MGAT5: variants seen among roughly 807,000 people sequenced by gnomAD.
MGAT5 encodes alpha-1,6-mannosylglycoprotein 6-beta-N-acetylglucosaminyltransferase A.
Under a neutral mutation model 94.3 loss-of-function variants are expected in MGAT5, and 30 were observed. That is an observed-to-expected ratio of 0.32 (90% CI 0.24 to 0.43). The LOEUF is 0.43. Among genes scored for constraint, MGAT5 ranks in the 20% least tolerant of loss-of-function variants. The pLI is 1.00. For missense variants in MGAT5, 691 were observed against 905.5 expected, an observed-to-expected ratio of 0.76 and a Z score of 3.04; for synonymous variants, 310 against 322.9, an observed-to-expected ratio of 0.96 and a Z score of 0.43.
chr2:134,148,159 T>G (rs1409738673), intron 1 of MGAT5, among the ~76,000 whole-genome samples: 1 of 152,254 alleles, frequency 6.6e-6, no homozygotes, highest in Non-Finnish European at 1.5e-5. Context: ...AATGTTATTT[T>G]GAGGAAACAT....
chr2:134,273,035 G>A (rs1205926759), intron 2 of MGAT5, among the ~76,000 whole-genome samples: 8 of 145,540 alleles, frequency 5.5e-5, no homozygotes, highest in Middle Eastern at 3.5e-3. Context: ...GCGCGCGTGC[G>A]CGTGCATGCA....
At chr2:134,250,470 G>A (rs1257198), upstream of MGAT5, among the ~76,000 whole-genome samples, 91,205 of 152,012 alleles carry the variant, frequency 0.6, 29,676 homozygotes, top group Non-Finnish European at 0.73. Context: ...GATCTTCATT[G>A]TCATTTTGTG....
intron 2 of MGAT5, among the ~76,000 whole-genome samples, chr2:134,275,413 ATTTTGT>A: frequency 1.3e-5 from 2 of 152,198 alleles, no homozygotes; most frequent in South Asian, 4.2e-4. Context: ...GGTCAAGGAT[ATTTTGT>A]TTTTATTTAG....
intron 1 of MGAT5, among the ~76,000 whole-genome samples, chr2:134,187,887 T>C (rs1016124680): frequency 1.3e-5 from 2 of 152,188 alleles, no homozygotes; most frequent in Non-Finnish European, 2.9e-5. Flanking sequence ...GAAGAAGTAT[T>C]GAACACTTTA....
At chr2:134,446,032 G>A (rs1372753236) in intron 15 of MGAT5, among the ~76,000 whole-genome samples, 1 of 152,164 alleles carries the variant, frequency 6.6e-6, no homozygotes, top group African/African-American at 2.4e-5. Flanking sequence ...AAGACACTGG[G>A]GCCAGGGGGT....
intron 1 of MGAT5, among the ~76,000 whole-genome samples, chr2:134,129,819 G>A (rs1004156105): frequency 6.6e-6 from 1 of 152,130 alleles, no homozygotes; most frequent in African/African-American, 2.4e-5. Flanking sequence ...GCACCTCCTC[G>A]GCCTCAGCGT....
intron 9 of MGAT5, among the ~76,000 whole-genome samples, chr2:134,353,032 G>T (rs982237789): frequency 6.6e-6 from 1 of 152,144 alleles, no homozygotes; most frequent in Admixed American, 6.5e-5. Flanking sequence ...CGGAAAGGTG[G>T]TTACCAAGTT....
rs572915821 is a variant in MGAT5 at position 134,426,764 on chromosome 2, G to A, written c.1795-1601G>A. Among the ~76,000 whole-genome samples, 16 of 151,410 alleles carry A rather than the reference G, an allele frequency of 1.1e-4. No homozygotes were observed. The South Asian group carries it at 3.3e-3, about 31-fold the overall frequency. ...TGTGTGAAGGGCTGTGTCTGGGTTA[G>A]AGAGGGAACAGTAAGTTCAAAAGCT... On this transcript the variant is annotated intron_variant, in intron 13 of 15. Transcript: ENST00000281923.
At chr2:134,399,436 C>T (rs140561655) in intron 10 of MGAT5, among the ~76,000 whole-genome samples, 2 of 152,350 alleles carry the variant, frequency 1.3e-5, no homozygotes, top group East Asian at 3.9e-4. Flanking sequence ...CCAGCATGCG[C>T]TCTCCTTCCC....
chr2:134,188,366 C>A (rs1414833582), intron 1 of MGAT5, among the ~76,000 whole-genome samples: 1 of 152,218 alleles, frequency 6.6e-6, no homozygotes, highest in African/African-American at 2.4e-5. Context: ...TGAATCCTGG[C>A]CCCTCTGCCA....
At chr2:134,361,354 C>T (rs1192528634) in intron 9 of MGAT5, among the ~76,000 whole-genome samples, 2 of 152,232 alleles carry the variant, frequency 1.3e-5, no homozygotes, top group Admixed American at 6.5e-5. Context: ...ATCAGCCACA[C>T]ATGGGCTCTG....
intron 14 of MGAT5, among the ~76,000 whole-genome samples, chr2:134,435,882 C>T (rs1685142890): frequency 6.6e-6 from 1 of 152,178 alleles, no homozygotes; most frequent in African/African-American, 2.4e-5. Flanking sequence ...AGAGGATTCC[C>T]AGCCTTCTCT....
chr2:134,271,073 A>G (rs1683996348), intron 2 of MGAT5, among the ~76,000 whole-genome samples: 1 of 152,200 alleles, frequency 6.6e-6, no homozygotes, highest in South Asian at 2.1e-4. Context: ...GTAGCCACTC[A>G]TGTACACCAC....
chr2:134,159,113 A>G (rs1687611273), intron 1 of MGAT5, among the ~76,000 whole-genome samples: 1 of 152,042 alleles, frequency 6.6e-6, no homozygotes, highest in African/African-American at 2.4e-5. Flanking sequence ...TTTATCTTTT[A>G]TGTGGCTACC....
At chr2:134,130,270 C>CCACACCGCCG (rs1686083716) in intron 1 of MGAT5, among the ~76,000 whole-genome samples, 1 of 144,382 alleles carries the variant, frequency 6.9e-6, no homozygotes, top group Non-Finnish European at 1.5e-5. Context: ...CCACACCGCC[C>CCACACCGCCG]CACACCCTGG....
At chr2:134,284,357 G>A (rs983728661) in intron 2 of MGAT5, among the ~76,000 whole-genome samples, 1 of 152,158 alleles carries the variant, frequency 6.6e-6, no homozygotes, top group African/African-American at 2.4e-5. Context: ...TTGCCCATTT[G>A]TTTACTTACT....
chr2:134,429,824 C>A (rs1684788863), intron 14 of MGAT5, among the ~76,000 whole-genome samples: 2 of 152,218 alleles, frequency 1.3e-5, no homozygotes, highest in African/African-American at 4.8e-5. Context: ...TTTGTGCCAG[C>A]ATGTGCCAGA....
At chr2:134,220,823 A>G (rs962102706) in intron 1 of MGAT5, among the ~76,000 whole-genome samples, 1 of 152,128 alleles carries the variant, frequency 6.6e-6, no homozygotes, top group African/African-American at 2.4e-5. Flanking sequence ...TATAGCAGGC[A>G]GTTAGCTGTG....
At chr2:134,381,915 T>G (rs1681652347) in intron 10 of MGAT5, among the ~76,000 whole-genome samples, 1 of 152,246 alleles carries the variant, frequency 6.6e-6, no homozygotes, top group Non-Finnish European at 1.5e-5. Context: ...AAAATACATT[T>G]GAAATGTATA....
Sources: allele counts gnomAD v4.1 joint callset (sites outside exome capture counted in the v4.1 genomes callset), GRCh38; gene constraint gnomAD v4.1.1; transcripts MANE v1.5; gene names NCBI Gene and HGNC (gene_info 2026-07-23, HGNC 2026-07-21).